TENM2: variants seen among roughly 807,000 people sequenced by gnomAD.
TENM2 encodes the protein teneurin transmembrane protein 2, also known as teneurin-2.
TENM2 carries 52 observed loss-of-function variants against 245.2 expected under a neutral mutation model. That is an observed-to-expected ratio of 0.21 (90% CI 0.17 to 0.27). The LOEUF (loss-of-function observed/expected upper bound fraction) is 0.27. Among genes scored for constraint, TENM2 ranks in the 10% least tolerant of loss-of-function variants. The pLI, the probability that TENM2 is intolerant of heterozygous loss-of-function variation, is 1.00. For synonymous variants in TENM2, 1,363 were observed against 1,438.9 expected (o/e 0.95, Z 1.19); for missense variants, 3,046 against 3,666.8 (o/e 0.83, Z 4.37).
At chr5:167,886,504 C>A (rs894062900) in intron 3 of TENM2, among the ~76,000 whole-genome samples, 5 of 152,078 alleles carry the variant, frequency 3.3e-5, no homozygotes, top group African/African-American at 1.2e-4. Flanking sequence ...TAAGAAGTTA[C>A]AAGATAATGC....
At chr5:167,928,600 A>T (rs1266962483) in intron 3 of TENM2, among the ~76,000 whole-genome samples, 1 of 152,118 alleles carries the variant, frequency 6.6e-6, no homozygotes, top group Non-Finnish European at 1.5e-5. Flanking sequence ...ATATGTGTTA[A>T]AAGAATGTGT....
At chr5:167,682,403 C>CTA (rs2150380024) in intron 2 of TENM2, among the ~76,000 whole-genome samples, 1 of 151,954 alleles carries the variant, frequency 6.6e-6, no homozygotes, top group Admixed American at 6.6e-5. Context: ...CCTTAGGCAA[C>CTA]CTGCCCGCCT....
the TENM2 span, among the ~76,000 whole-genome samples, chr5:167,248,484 T>C: frequency 3.9e-5 from 6 of 152,092 alleles, no homozygotes; most frequent in Non-Finnish European, 8.8e-5. Flanking sequence ...GAATTTGTAT[T>C]GCTAAGGATT....
At chr5:168,189,579 C>T (rs1760768788) in intron 13 of TENM2, among the ~76,000 whole-genome samples, 2 of 152,266 alleles carry the variant, frequency 1.3e-5, no homozygotes, top group South Asian at 2.1e-4. Context: ...GCGGAAACTG[C>T]AGGCTTAATT....
rs1446938187 is a variant in TENM2, at chr5:167,724,287, AG to A, written c.503-151698del. Among the ~76,000 whole-genome samples, 176 of 150,628 alleles carry A rather than the reference AG, an allele frequency of 1.2e-3. 1 individual carries two copies. Among genetic ancestry groups the A allele is most frequent in the African/African-American group, 4.2e-3 (172 of 40,970 alleles). On this transcript the variant is annotated intron_variant, in intron 2 of 28. Coordinates refer to ENST00000518659, the Ensembl canonical transcript of TENM2. ...AAAGACAATCTGTGGATAAATTACT[AG>A]TTTTTTTTTTTTTTCCCATGTACTT...
At chr5:167,568,441 T>A (rs1252657692) in intron 2 of TENM2, among the ~76,000 whole-genome samples, 2 of 152,126 alleles carry the variant, frequency 1.3e-5, no homozygotes, top group Non-Finnish European at 2.9e-5. Flanking sequence ...ACACTCACCA[T>A]GTGTTAGGCA....
intron 2 of TENM2, among the ~76,000 whole-genome samples, chr5:167,725,116 A>G (rs749796296): frequency 2.0e-5 from 3 of 152,230 alleles, no homozygotes; most frequent in Admixed American, 6.5e-5. Context: ...TTTGTCACCA[A>G]TCATGATTTT....
chr5:167,065,708 G>A, the TENM2 span, among the ~76,000 whole-genome samples: 1 of 152,184 alleles, frequency 6.6e-6, no homozygotes, highest in Non-Finnish European at 1.5e-5. Context: ...TTGGTAAAGT[G>A]CTCATTTCAA....
chr5:167,033,523 T>G, the TENM2 span, among the ~76,000 whole-genome samples: 1 of 152,344 alleles, frequency 6.6e-6, no homozygotes, highest in Non-Finnish European at 1.5e-5. Context: ...ATGAGTGGCC[T>G]TTGAAAGATT....
At chr5:168,029,304 T>C (rs1030512364) in intron 5 of TENM2, among the ~76,000 whole-genome samples, 10 of 152,090 alleles carry the variant, frequency 6.6e-5, no homozygotes, top group African/African-American at 1.2e-4. Flanking sequence ...GCAAAAACCA[T>C]TGGTCAGCTA....
chr5:167,434,903 G>A lies in TENM2; in HGVS notation c.502+59430G>A, dbSNP rs188360266. On this transcript the variant is annotated intron_variant, in intron 2 of 28. Coordinates refer to ENST00000518659, the Ensembl canonical transcript of TENM2. ...AAAGAAGAAAATTATAGATTCAGAT[G>A]TAGATTAGTTATTGAGTTGAATATG... Among the ~76,000 whole-genome samples, 13 of 152,298 alleles carry A rather than the reference G, an allele frequency of 8.5e-5. No homozygotes were observed. The East Asian group carries it at 2.5e-3, about 29-fold the overall frequency.
the TENM2 span, among the ~76,000 whole-genome samples, chr5:167,070,373 C>G: frequency 6.7e-6 from 1 of 149,170 alleles, no homozygotes; most frequent in East Asian, 2.0e-4. Flanking sequence ...TCATGATCCC[C>G]CCATCTTGGC....
chr5:168,071,623 AT>A (rs1562121901), intron 7 of TENM2, among the ~76,000 whole-genome samples: 1 of 152,118 alleles, frequency 6.6e-6, no homozygotes, highest in African/African-American at 2.4e-5. Flanking sequence ...CTTGAATAAA[AT>A]TTTTTTCAAG....
intron 2 of TENM2, among the ~76,000 whole-genome samples, chr5:167,434,997 T>A (rs978382512): frequency 3.3e-5 from 5 of 152,258 alleles, no homozygotes; most frequent in Non-Finnish European, 7.3e-5. Context: ...TGACTGGAGA[T>A]AACTTATCTA....
chr5:167,840,562 G>A (rs992293889), intron 2 of TENM2, among the ~76,000 whole-genome samples: 1 of 151,766 alleles, frequency 6.6e-6, no homozygotes, highest in African/African-American at 2.4e-5. Context: ...CCCCCACAAT[G>A]TTAACTGAGA....
chr5:168,048,001 G>C (rs1021467486), intron 6 of TENM2, among the ~76,000 whole-genome samples: 6 of 152,204 alleles, frequency 3.9e-5, no homozygotes, highest in Non-Finnish European at 8.8e-5. Context: ...CAGCCTCCCT[G>C]GGGAGGAAGC....
intron 8 of TENM2, among the ~76,000 whole-genome samples, chr5:168,095,786 G>A (rs931682225): frequency 1.3e-5 from 2 of 152,156 alleles, no homozygotes; most frequent in African/African-American, 4.8e-5. Context: ...AAGCTAGCAT[G>A]TTAGCCTGAC....
chr5:168,015,692 C>T (rs1785594257), intron 5 of TENM2, among the ~76,000 whole-genome samples: 1 of 152,124 alleles, frequency 6.6e-6, no homozygotes, highest in South Asian at 2.1e-4. Flanking sequence ...GTGGGTGTTT[C>T]CCATTCCTTC....
chr5:167,988,451 T>C (rs981238863), intron 4 of TENM2, among the ~76,000 whole-genome samples: 2 of 151,998 alleles, frequency 1.3e-5, no homozygotes, highest in Non-Finnish European at 2.9e-5. Context: ...TGAAGAAAAA[T>C]AGGCAGTTAT....
Sources: allele counts gnomAD v4.1 joint callset (sites outside exome capture counted in the v4.1 genomes callset), GRCh38; gene constraint gnomAD v4.1.1; transcripts MANE v1.5; gene names NCBI Gene and HGNC (gene_info 2026-07-23, HGNC 2026-07-21).